Variants in CA6 observed in about 807,000 individuals in gnomAD.
CA6 encodes the protein carbonate dehydratase VI.
Under a neutral mutation model 35.9 loss-of-function variants are expected in CA6, and 28 were observed. The ratio of observed to expected loss-of-function variants is 0.78; its 90% CI spans 0.58 to 1.07. The LOEUF (loss-of-function observed/expected upper bound fraction) is 1.07, where lower values mean the gene tolerates loss of function less well. Ranked by LOEUF, CA6 falls within the 50% of genes least tolerant of loss-of-function variation. CA6 has a pLI of 0.00. For missense variants in CA6, 377 were observed against 382.0 expected (o/e 0.99, Z 0.11); for synonymous variants, 148 against 152.6 (o/e 0.97, Z 0.22).
intron 7 of CA6, among the ~76,000 whole-genome samples, chr1:8,973,698 T>TTTTC (rs1640165577): frequency 8.2e-6 from 1 of 121,528 alleles, no homozygotes; most frequent in Admixed American, 8.8e-5. Context: ...AGGCCTGGAT[T>TTTTC]TTTCTTTCTC....
chr1:8,973,741 TTTC>T (rs1476819364), intron 7 of CA6, among the ~76,000 whole-genome samples: 3 of 21,632 alleles, frequency 1.4e-4, no homozygotes, highest in Admixed American at 6.1e-4. Context: ...TCTTTCTTTC[TTTC>T]TTTCTTTCTT....
intron 4 of CA6, among the ~76,000 whole-genome samples, chr1:8,960,785 C>CATAT (rs1251525876): frequency 1.6e-4 from 16 of 98,090 alleles, no homozygotes; most frequent in African/African-American, 6.8e-4. Flanking sequence ...CACACACACA[C>CATAT]ACACATATAT....
At chr1:8,951,427 G>A (rs756241380) in intron 2 of CA6, 3 of 761,134 alleles carry the variant, frequency 3.9e-6, no homozygotes, top group Non-Finnish European at 4.8e-6. Flanking sequence ...TTCCAGATTG[G>A]CAGGCGGAAC....
rs539608815 is a variant in CA6 at position 8,967,800 on chromosome 1, A to G, written c.713A>G (p.Lys238Arg). Residue 238 changes from lysine to arginine, a missense_variant, in exon 6 of 8, where the codon AAG (lysine) becomes AGG (arginine). Coordinates refer to ENST00000377443, the MANE Select transcript of CA6 (RefSeq NM_001215.4). Reference protein sequence around the residue: ...VHWFVLADFVKLSRTQVWKLE... With the variant: ...VHWFVLADFVRLSRTQVWKLE... Reference sequence around the variant, plus strand: ...TGGTTTGTGCTGGCAGATTTTGTCAAGCTCTCCAGGACACAGGTAATGTAT... The same window carrying G: ...TGGTTTGTGCTGGCAGATTTTGTCAGGCTCTCCAGGACACAGGTAATGTAT... 3 of 1,614,034 alleles carry G rather than the reference A, an allele frequency of 1.9e-6. No individual in the cohort carries two copies. Among genetic ancestry groups the G allele is most frequent in the African/African-American group, 2.7e-5 (2 of 74,994 alleles).
chr1:8,959,053 T>A, intron 4 of CA6, 51 bp downstream of exon 4: 1 of 1,082,962 alleles, frequency 9.2e-7, no homozygotes, highest in Non-Finnish European at 1.4e-6. Context: ...TAGGTTGATG[T>A]CCAAACAAGG....
chr1:8,968,001 T>C (rs1408476362), intron 6 of CA6, among the ~76,000 whole-genome samples, 185 bp downstream of exon 6: 2 of 130,334 alleles, frequency 1.5e-5, no homozygotes, highest in Non-Finnish European at 3.1e-5. Context: ...AGAGTCTCGC[T>C]CTGTCACCTG....
chr1:8,951,014 G>T (rs569038440), intron 2 of CA6, among the ~76,000 whole-genome samples: 1 of 152,018 alleles, frequency 6.6e-6, no homozygotes, highest in African/African-American at 2.4e-5. Context: ...TCAGGAGTTC[G>T]AGACTAGCCT....
chr1:8,966,066 A>G (rs1363292231), intron 5 of CA6, among the ~76,000 whole-genome samples: 1 of 152,030 alleles, frequency 6.6e-6, no homozygotes, highest in East Asian at 1.9e-4. Context: ...TCTTTTGGGT[A>G]GATAGGAGTA....
intron 4 of CA6, among the ~76,000 whole-genome samples, chr1:8,960,424 T>G (rs1398278191): frequency 6.8e-6 from 1 of 147,132 alleles, no homozygotes; most frequent in Admixed American, 6.8e-5. Context: ...CTATCATAAA[T>G]GTTTGAAGAA....
chr1:8,970,205 CAAAAAAA>C (rs57388930), intron 6 of CA6, among the ~76,000 whole-genome samples: 2 of 88,010 alleles, frequency 2.3e-5, no homozygotes, highest in Non-Finnish European at 2.3e-5. Context: ...ACTCTGGTCT[CAAAAAAA>C]AAAAAAAAAA....
At chr1:8,947,295 A>G (rs1304399494) in intron 1 of CA6, among the ~76,000 whole-genome samples, 1 of 152,004 alleles carries the variant, frequency 6.6e-6, no homozygotes, top group Non-Finnish European at 1.5e-5. Flanking sequence ...ATTGGGGCCC[A>G]TGAGGAGGCT....
intron 2 of CA6, among the ~76,000 whole-genome samples, chr1:8,950,171 C>G (rs934273964): frequency 6.6e-6 from 1 of 151,792 alleles, no homozygotes; most frequent in South Asian, 2.1e-4. Flanking sequence ...TTAGTAGAGA[C>G]GAGGTTTCAC....
intron 4 of CA6, among the ~76,000 whole-genome samples, chr1:8,959,931 CA>C (rs373250863): frequency 2.8e-3 from 213 of 75,166 alleles, no homozygotes; most frequent in South Asian, 6.6e-3. Context: ...GATTCTATCT[CA>C]AAAAAAAAAA....
chr1:8,973,773 T>TCTTTCTTTCTTTTTCTTTC (rs1491253389), intron 7 of CA6, among the ~76,000 whole-genome samples: 36 of 38,302 alleles, frequency 9.4e-4, no homozygotes, highest in African/African-American at 4.7e-3. Context: ...TCTTTCTTTC[T>TCTTTCTTTCTTTTTCTTTC]TTCTTTCTTT....
At chr1:8,967,856 A>AT in intron 6 of CA6, 40 bp downstream of exon 6, 2 of 1,581,976 alleles carry the variant, frequency 1.3e-6, no homozygotes, top group Non-Finnish European at 1.7e-6. Flanking sequence ...TTCCCATTCG[A>AT]TTGCCTGGTT....
intron 7 of CA6, among the ~76,000 whole-genome samples, chr1:8,973,009 G>C (rs528303827): frequency 3.3e-4 from 50 of 152,114 alleles, no homozygotes; most frequent in Non-Finnish European, 5.3e-4. Flanking sequence ...AGGGAGCTTA[G>C]ACTCATGGGT....
chr1:8,951,728 C>T (rs768206674), intron 2 of CA6: 22 of 752,566 alleles, frequency 2.9e-5, no homozygotes, highest in Middle Eastern at 3.2e-4. Context: ...TTCTGTGGTC[C>T]GGAAGCCTGT....
At chr1:8,956,105 C>T (rs1346148976) in intron 2 of CA6, among the ~76,000 whole-genome samples, 1 of 151,858 alleles carries the variant, frequency 6.6e-6, no homozygotes. Context: ...TGCCTGTAAT[C>T]CCAGCTACTG....
Position 8,967,861 on chromosome 1 carries a change from C to G in CA6, c.729+45C>G, listed in dbSNP as rs754470207. 1.2e-5 allele frequency: 19 copies of G among 1,583,562 alleles called. 2 individuals carry two copies. In the South Asian group the frequency reaches 2.2e-4, roughly 18 times the overall value. ...TGCCGAAGTCTTCCCATTCGATTGC[C>G]TGGTTAACAAGGGTTCTCCCCAGCA... On this transcript the variant is annotated intron_variant, in intron 6 of 7. Transcript: ENST00000377443.
Sources: allele counts gnomAD v4.1 joint callset (sites outside exome capture counted in the v4.1 genomes callset), GRCh38; gene constraint gnomAD v4.1.1; transcripts MANE v1.5; gene names NCBI Gene and HGNC (gene_info 2026-07-23, HGNC 2026-07-21).